Variants in LHX9 observed in about 807,000 individuals in gnomAD.
LHX9 encodes LIM homeobox 9, also known as LIM/homeobox protein Lhx9.
A neutral mutation model predicts 36.5 loss-of-function variants in LHX9; 9 were observed. That is an observed-to-expected ratio of 0.25 (90% confidence interval 0.15 to 0.43). LHX9 has a LOEUF of 0.43. Ranked by LOEUF, LHX9 falls within the 20% of genes least tolerant of loss-of-function variation. The probability of loss-of-function intolerance (pLI) is 1.00; values close to 1 mark genes in which losing one functional copy is unlikely to be tolerated. For missense variants in LHX9, 464 were observed against 526.4 expected, an observed-to-expected ratio of 0.88 and a Z score of 1.16; for synonymous variants, 211 against 212.1, an observed-to-expected ratio of 0.99 and a Z score of 0.04.
chr1:197,917,205 T>C (rs371880579), upstream of LHX9: 2 of 1,192,026 alleles, frequency 1.7e-6, no homozygotes, highest in African/African-American at 3.2e-5. Flanking sequence ...CCCTTTGTAA[T>C]GTTTGTCCTG....
At position 197,931,889 on chromosome 1, in the gene LHX9, T is replaced by G. The variant is rs1237168492; in HGVS notation, c.*2630T>G. ...CCCTAAAAGCCAAGTTGCTCTGTAG[T>G]TAATAAATTGTCACTATGATTTTTT... On this transcript the variant is annotated 3_prime_UTR_variant, in exon 5 of 5. Transcript: ENST00000367387. The G allele has an allele frequency of 5.9e-6, 9 of 1,529,292 alleles. No homozygotes were observed. Among genetic ancestry groups the G allele is most frequent in the African/African-American group, 1.4e-5 (1 of 72,578 alleles). 94.7% of individuals were successfully genotyped at this position (1,529,292 alleles called of 1,614,324 possible).
chr1:197,913,840 T>C (rs1659679428), upstream of LHX9, among the ~76,000 whole-genome samples: 1 of 152,168 alleles, frequency 6.6e-6, no homozygotes, highest in Non-Finnish European at 1.5e-5. Context: ...GCCTCCAAAA[T>C]TCAGGTAGAG....
At chr1:197,917,366 A>G, upstream of LHX9, 1 of 1,301,094 alleles carries the variant, frequency 7.7e-7, no homozygotes, top group Non-Finnish European at 1.0e-6. Context: ...CAGCTCAGGC[A>G]GGAGCAGTCC....
Position 197,919,987 on chromosome 1 carries a change from A to T in LHX9, c.190A>T (p.Ser64Cys). The change falls in exon 2 of 5, where the codon AGC (serine) becomes TGC (cysteine). Residue 64 changes from serine to cysteine, a missense_variant. Around this residue, in one of 5 missense-constraint regions of LHX9, gnomAD observed 119 missense variants for 102.4 expected, o/e 1.16. Coordinates refer to ENST00000367387, the MANE Select transcript of LHX9 (RefSeq NM_020204.3). Reference sequence around the variant, plus strand: ...TTCTTTGCAGGGCATGCCCCCGCTCAGCCCGGAGAAGCCCGCCCTGTGCGC... The same window carrying T: ...TTCTTTGCAGGGCATGCCCCCGCTCTGCCCGGAGAAGCCCGCCCTGTGCGC... The part of the protein sequence containing the change: ...NGRDAGMPPL[S>C]PEKPALCAGC... The T allele has an allele frequency of 6.2e-7, 1 of 1,614,124 alleles. No individual in the cohort carries two copies. The highest frequency in any genetic ancestry group is 8.5e-7 in the Non-Finnish European group (1 of 1,180,044).
In LHX9 at chr1:197,917,907, C is replaced by G. The variant is rs749395451; in HGVS notation, c.84C>G (p.Gly28=). The G allele has an allele frequency of 6.2e-7, 1 of 1,614,218 alleles. No individual in the cohort carries two copies. The highest frequency in any genetic ancestry group is 8.5e-7 in the Non-Finnish European group (1 of 1,180,038). The change falls in exon 1 of 5, where the codon GGC becomes GGG. Residue 28 remains glycine, a synonymous_variant. Transcript: ENST00000367387. ...PAMLFHGISG[G]HIQGIMEEME... ...TGCTCTTTCACGGGATCTCCGGAGG[C>G]CACATCCAAGGCATCATGGAGGAGA...
At chr1:197,916,691 CA>C (rs1557970188), upstream of LHX9, 4 of 702,912 alleles carry the variant, frequency 5.7e-6, no homozygotes, top group Admixed American at 8.0e-5. Context: ...GCAGACGCTC[CA>C]AACGCCCTCT....
At chr1:197,924,558 A>C (rs771367522) in intron 3 of LHX9, among the ~76,000 whole-genome samples, 7 of 152,384 alleles carry the variant, frequency 4.6e-5, no homozygotes, top group Non-Finnish European at 1.0e-4. Flanking sequence ...AAGAAGATTT[A>C]GTTTAGGATA....
upstream of LHX9, among the ~76,000 whole-genome samples, chr1:197,914,974 C>CA (rs140920505): frequency 0.023 from 3,563 of 152,272 alleles, 146 homozygotes; most frequent in African/African-American, 0.079. Flanking sequence ...GGAGGGCTTA[C>CA]AAAACCTCTG....
chr1:197,918,067 T>A, intron 1 of LHX9, 70 bp downstream of exon 1: 1 of 1,532,134 alleles, frequency 6.5e-7, no homozygotes, highest in Non-Finnish European at 8.8e-7. Context: ...GCCGACTCCC[T>A]GGCCGGTGGA....
chr1:197,931,257 G>T lies in LHX9; in HGVS notation c.*1998G>T, dbSNP rs1421312894. 8.6e-5 allele frequency: 13 copies of T among 151,922 alleles called. No individual in the cohort carries two copies. Among genetic ancestry groups the T allele is most frequent in the Admixed American group, 8.5e-4 (13 of 15,268 alleles). The allele number at this position is 151,922 out of a possible 1,614,324, so 9.4% of individuals were successfully genotyped here. On this transcript the variant is annotated 3_prime_UTR_variant, in exon 5 of 5. Coordinates refer to ENST00000367387, the MANE Select transcript of LHX9 (RefSeq NM_020204.3). Reference sequence around the variant, plus strand: ...AGAGGGGACAAACATGTCATAGAAAGCAGTTGTGCACTCTTTCAAATATAG... The same window carrying T: ...AGAGGGGACAAACATGTCATAGAAATCAGTTGTGCACTCTTTCAAATATAG...
rs1659999516 is a variant in LHX9, at chr1:197,921,763, C to T, written c.733+104C>T. Reference sequence around the variant, plus strand: ...TCTTGCTGCAAGAGTGTGTTTTGCCCAATGCCTCTGTTCTCACTGCAACTC... The same window carrying T: ...TCTTGCTGCAAGAGTGTGTTTTGCCTAATGCCTCTGTTCTCACTGCAACTC... On this transcript the variant is annotated intron_variant, in intron 3 of 4. Coordinates refer to ENST00000367387, the MANE Select transcript of LHX9 (RefSeq NM_020204.3). This position sits in a 1 kb window ranked among gnomAD's most constrained non-coding sequence, Gnocchi z 4.6. 1 of 956,744 alleles carries T rather than the reference C, an allele frequency of 1.0e-6. No homozygotes were observed. The highest frequency in any genetic ancestry group is 1.5e-6 in the Non-Finnish European group (1 of 658,542). 59.3% of individuals were successfully genotyped at this position (956,744 alleles called of 1,614,324 possible).
upstream of LHX9, chr1:197,916,392 C>T (rs1472173657): frequency 4.6e-6 from 2 of 438,362 alleles, no homozygotes; most frequent in Admixed American, 3.8e-5. Context: ...TTTACAAGTC[C>T]TCTGTCCTGC....
intron 1 of LHX9, 102 bp downstream of exon 1, chr1:197,918,099 G>A: frequency 1.5e-6 from 2 of 1,310,330 alleles, no homozygotes; most frequent in South Asian, 2.8e-5. Context: ...GCGGGTCGTA[G>A]AGACGTCCGC....
At chr1:197,914,910 C>A (rs117962748), upstream of LHX9, among the ~76,000 whole-genome samples, 719 of 152,312 alleles carry the variant, frequency 4.7e-3, 19 homozygotes, top group East Asian at 0.048. Context: ...TCTGCCTTGC[C>A]TGTACCTAGA....
At chr1:197,924,700 C>T (rs1243958978) in intron 3 of LHX9, among the ~76,000 whole-genome samples, 1 of 152,172 alleles carries the variant, frequency 6.6e-6, no homozygotes, top group Non-Finnish European at 1.5e-5. Flanking sequence ...ATTAGCCTGG[C>T]ACTGACCCCT....
upstream of LHX9, chr1:197,915,838 C>T (rs1659732015): frequency 6.6e-6 from 1 of 152,324 alleles, no homozygotes; most frequent in Non-Finnish European, 1.5e-5. Flanking sequence ...CCCTTCTTCT[C>T]ATCCTCTCAC....
chr1:197,921,449 G>A lies in LHX9; in HGVS notation c.523G>A (p.Gly175Ser). 6.2e-7 allele frequency: 1 copy of A among 1,614,148 alleles called. No individual in the cohort carries two copies. ...GACTCTGACCACGGGCGACCATTTC[G>A]GCATGAAGGACAGCCTGGTGTACTG... ...NKTLTTGDHFGMKDSLVYCRA... is the reference protein window; with the variant it reads ...NKTLTTGDHFSMKDSLVYCRA... The change falls in exon 3 of 5, where the codon GGC becomes AGC. Residue 175 changes from glycine to serine, a missense_variant. By Grantham distance (56) the Gly-to-Ser change is moderately conservative (BLOSUM62 0). This residue lies in a region of LHX9 where 93 missense variants were observed against 150.3 expected (regional missense o/e 0.62). Transcript: ENST00000367387. The surrounding 1 kb of genome is among the most constrained non-coding windows in gnomAD (Gnocchi z 4.6).
At chr1:197,920,234 A>C in intron 2 of LHX9, 60 bp downstream of exon 2, 1 of 1,525,634 alleles carries the variant, frequency 6.6e-7, no homozygotes, top group Non-Finnish European at 9.1e-7. Context: ...CATCTGCCTG[A>C]GCCCGGAATC....
rs1419857562 is a variant in LHX9 at position 197,921,694 on chromosome 1, G to A, written c.733+35G>A. 2 of 1,496,494 alleles carry A rather than the reference G, an allele frequency of 1.3e-6. No individual in the cohort carries two copies. The highest frequency in any genetic ancestry group is 1.4e-5 in the African/African-American group (1 of 72,116). The allele number at this position is 1,496,494 out of a possible 1,614,324, so 92.7% of individuals were successfully genotyped here. A position where few individuals can be genotyped will look rare whatever the true frequency, so the allele number is the denominator to read the frequency against. ...CTATCCTCACCCCCGGCGCAGCCCC[G>A]GCCTCCCTGAGGAAAATTCGTAGAG... On this transcript the variant is annotated intron_variant, in intron 3 of 4. Transcript: ENST00000367387. This position sits in a 1 kb window ranked among gnomAD's most constrained non-coding sequence, Gnocchi z 4.6.
Sources: allele counts gnomAD v4.1 joint callset (sites outside exome capture counted in the v4.1 genomes callset), GRCh38; gene constraint gnomAD v4.1.1; regional missense constraint gnomAD v4.1.1; non-coding constraint Gnocchi (gnomAD v3.1); transcripts MANE v1.5; gene names NCBI Gene and HGNC (gene_info 2026-07-23, HGNC 2026-07-21).